Variants in KIRREL3 observed in about 807,000 individuals in gnomAD.
The protein encoded by KIRREL3 is kin of IRRE-like protein 3.
Under a neutral mutation model 89.7 loss-of-function variants are expected in KIRREL3, and 36 were observed. The observed-to-expected ratio is 0.40, with a 90% CI of 0.31 to 0.53. The LOEUF (loss-of-function observed/expected upper bound fraction) is 0.53, where lower values mean the gene tolerates loss of function less well. Ranked by LOEUF, KIRREL3 falls within the 20% of genes least tolerant of loss-of-function variation. KIRREL3 has a pLI of 0.49. For synonymous variants in KIRREL3, 445 were observed against 441.4 expected, an observed-to-expected ratio of 1.01 and a Z score of -0.10; for missense variants, 864 against 1,056.6, an observed-to-expected ratio of 0.82 and a Z score of 2.53.
chr11:126,916,738 T>C (rs573514644), intron 1 of KIRREL3, among the ~76,000 whole-genome samples: 35 of 152,336 alleles, frequency 2.3e-4, no homozygotes, highest in Admixed American at 7.2e-4. Context: ...TTTCTAAGTA[T>C]GAATTTAGGT....
intron 1 of KIRREL3, among the ~76,000 whole-genome samples, chr11:126,829,373 T>G (rs927431178): frequency 7.9e-5 from 12 of 152,206 alleles, no homozygotes; most frequent in Non-Finnish European, 4.4e-5. Flanking sequence ...ACACCATTCA[T>G]GAATCAATAA....
At chr11:126,957,312 T>A (rs1220031712) in intron 1 of KIRREL3, among the ~76,000 whole-genome samples, 1 of 152,216 alleles carries the variant, frequency 6.6e-6, no homozygotes, top group East Asian at 1.9e-4. Flanking sequence ...TAAGGAACAT[T>A]GCTAATTGAT....
intron 1 of KIRREL3, among the ~76,000 whole-genome samples, chr11:126,580,468 C>T (rs1461270410): frequency 1.3e-5 from 2 of 152,086 alleles, no homozygotes; most frequent in Non-Finnish European, 2.9e-5. Flanking sequence ...TTGCGATGGG[C>T]AAGGGGGTCC....
intron 1 of KIRREL3, among the ~76,000 whole-genome samples, chr11:126,938,186 G>T (rs1307080342): frequency 2.0e-5 from 3 of 152,178 alleles, no homozygotes; most frequent in Admixed American, 6.5e-5. Context: ...GATGCAAAAA[G>T]TTGTAAGTCT....
In KIRREL3 at chr11:126,748,782, T is replaced by C. The variant is rs1949241286; in HGVS notation, c.56-185870A>G. On this transcript the variant is annotated intron_variant, in intron 1 of 16. Coordinates refer to ENST00000525144, the MANE Select transcript of KIRREL3 (RefSeq NM_032531.4). The surrounding 1 kb of genome is among the most constrained non-coding windows in gnomAD (Gnocchi z 4.6). The stretch of plus-strand genomic sequence containing the variant: ...CCTCTCTGCCCACCGAAACTGTGCA[T>C]GGGATCCTTTTGTAATCTGTAGGCT... 6.6e-6 allele frequency among the ~76,000 whole-genome samples: 1 copy of C among 152,168 alleles called. No individual in the cohort carries two copies. The highest frequency in any genetic ancestry group is 6.5e-5 in the Admixed American group (1 of 15,282).
At chr11:126,864,567 C>CT (rs1762784025) in intron 1 of KIRREL3, among the ~76,000 whole-genome samples, 1 of 152,124 alleles carries the variant, frequency 6.6e-6, no homozygotes, top group Non-Finnish European at 1.5e-5. Context: ...CTGAACTGGT[C>CT]TTGGGTAGTC....
At chr11:126,650,904 G>A (rs949000261) in intron 1 of KIRREL3, among the ~76,000 whole-genome samples, 1 of 152,206 alleles carries the variant, frequency 6.6e-6, no homozygotes, top group African/African-American at 2.4e-5. Flanking sequence ...CACATGGCTG[G>A]GAAGATCTCA....
chr11:126,820,362 C>G (rs1189907294), intron 1 of KIRREL3, among the ~76,000 whole-genome samples: 1 of 152,060 alleles, frequency 6.6e-6, no homozygotes, highest in Non-Finnish European at 1.5e-5. Flanking sequence ...CCAACCTTTT[C>G]CTGCAGGAAA....
At chr11:126,425,159 A>G in intron 16 of KIRREL3, 136 bp from the exon 17 acceptor site, 2 of 756,940 alleles carry the variant, frequency 2.6e-6, no homozygotes, top group East Asian at 2.7e-5. Context: ...CCTGGTAGGG[A>G]GCAAACTCAG....
At chr11:126,944,192 C>T (rs1454807998) in intron 1 of KIRREL3, 4 of 152,196 alleles carry the variant, frequency 2.6e-5, no homozygotes, top group Non-Finnish European at 2.9e-5. Flanking sequence ...ACTGTCCATT[C>T]CTCATCAAGT....
rs1944728203 is a variant in KIRREL3, at chr11:126,647,326, T to C, written c.56-84414A>G. On this transcript the variant is annotated intron_variant, in intron 1 of 16. Coordinates refer to ENST00000525144, the MANE Select transcript of KIRREL3 (RefSeq NM_032531.4). This position sits in a 1 kb window ranked among gnomAD's most constrained non-coding sequence, Gnocchi z 4.9. The stretch of plus-strand genomic sequence containing the variant: ...ATGCCCGTTTTAATTAACTTGTCTA[T>C]TCACGCATCCAACAAATATTTAATG... 2.0e-5 allele frequency among the ~76,000 whole-genome samples: 3 copies of C among 152,226 alleles called. No homozygotes were observed. Among genetic ancestry groups the C allele is most frequent in the Non-Finnish European group, 4.4e-5 (3 of 68,044 alleles).
chr11:126,843,106 C>T lies in KIRREL3; in HGVS notation c.55+157349G>A, dbSNP rs533604053. On this transcript the variant is annotated intron_variant, in intron 1 of 16. Coordinates refer to ENST00000525144, the MANE Select transcript of KIRREL3 (RefSeq NM_032531.4). The surrounding 1 kb of genome is among the most constrained non-coding windows in gnomAD (Gnocchi z 4.6). The stretch of plus-strand genomic sequence containing the variant: ...TCACATTTCTATATAACAGTGTCCT[C>T]GTTCTCACCTGCCCTTTAGGACAAT... Among the ~76,000 whole-genome samples the T allele has an allele frequency of 2.0e-5, 3 of 152,270 alleles. No homozygotes were observed. Among genetic ancestry groups the T allele is most frequent in the East Asian group, 1.9e-4 (1 of 5,172 alleles).
chr11:126,649,042 G>A (rs1447343966), intron 1 of KIRREL3, among the ~76,000 whole-genome samples: 1 of 152,190 alleles, frequency 6.6e-6, no homozygotes, highest in Non-Finnish European at 1.5e-5. Context: ...CTTCTTAAAT[G>A]GAGATGGCAA....
At position 126,516,855 on chromosome 11, in the gene KIRREL3, G is replaced by C. The variant is rs1314777613; in HGVS notation, c.433+4460C>G. Among the ~76,000 whole-genome samples the C allele has an allele frequency of 6.6e-6, 1 of 152,170 alleles. No individual in the cohort carries two copies. Among genetic ancestry groups the C allele is most frequent in the Non-Finnish European group, 1.5e-5 (1 of 68,026 alleles). On this transcript the variant is annotated intron_variant, in intron 4 of 16. Coordinates refer to ENST00000525144, the MANE Select transcript of KIRREL3 (RefSeq NM_032531.4). This position sits in a 1 kb window ranked among gnomAD's most constrained non-coding sequence, Gnocchi z 4.9. ...CGCTTGTAATCCCAGCACTTTGGGA[G>C]GCCAAGATGGGTGGATCACTTGAGG...
At chr11:126,483,083 A>G (rs1176796474) in intron 4 of KIRREL3, among the ~76,000 whole-genome samples, 2 of 152,364 alleles carry the variant, frequency 1.3e-5, no homozygotes. Context: ...ATCTCCCCTG[A>G]AACTAGGTCA....
rs1369150289 is a variant in KIRREL3 at position 126,576,051 on chromosome 11, C to T, written c.56-13139G>A. Among the ~76,000 whole-genome samples, 1 of 152,208 alleles carries T rather than the reference C, an allele frequency of 6.6e-6. No homozygotes were observed. Among genetic ancestry groups the T allele is most frequent in the African/African-American group, 2.4e-5 (1 of 41,450 alleles). ...TAATCTCTAGAACCTGGCTCAGAGC[C>T]AGGCACATAGTAGGCACTCAGTGCA... is the stretch of plus-strand genomic sequence containing the variant. On this transcript the variant is annotated intron_variant, in intron 1 of 16. Transcript: ENST00000525144. This position sits in a 1 kb window ranked among gnomAD's most constrained non-coding sequence, Gnocchi z 5.4.
Position 126,686,491 on chromosome 11 carries a change from T to C in KIRREL3, c.56-123579A>G, listed in dbSNP as rs1946670331. ...GGGAGTCCCAAGCTGAATGTTCTGA[T>C]AGGGTCAGTGCTGGCCACTGAGCGG... On this transcript the variant is annotated intron_variant, in intron 1 of 16. Coordinates refer to ENST00000525144, the MANE Select transcript of KIRREL3 (RefSeq NM_032531.4). This position sits in a 1 kb window ranked among gnomAD's most constrained non-coding sequence, Gnocchi z 4.7. Among the ~76,000 whole-genome samples the C allele has an allele frequency of 6.6e-6, 1 of 152,028 alleles. No homozygotes were observed. The highest frequency in any genetic ancestry group is 6.6e-5 in the Admixed American group (1 of 15,264).
rs74452565 is a variant in KIRREL3, at chr11:126,743,514, A to G, written c.56-180602T>C. On this transcript the variant is annotated intron_variant, in intron 1 of 16. Coordinates refer to ENST00000525144, the MANE Select transcript of KIRREL3 (RefSeq NM_032531.4). ...GTACTGGGAATATAATTGTGAATGC[A>G]TATTGAATGCAAAGCACTATATAAG... Among the ~76,000 whole-genome samples, 686 of 152,380 alleles carry G rather than the reference A, an allele frequency of 4.5e-3. 14 individuals are homozygous for G. The East Asian group carries it at 0.062, about 14-fold the overall frequency.
rs1956270473 is a variant in KIRREL3 at position 126,454,251 on chromosome 11, C to T, written c.848+2098G>A. On this transcript the variant is annotated intron_variant, in intron 7 of 16. Transcript: ENST00000525144. The surrounding 1 kb of genome is among the most constrained non-coding windows in gnomAD (Gnocchi z 5.8). Reference sequence around the variant, plus strand: ...CAGCACTTCGTTTCCTGGGTGTTTGCTGTCCGGGTCAGTAGGCAGGTGTGG... The same window carrying T: ...CAGCACTTCGTTTCCTGGGTGTTTGTTGTCCGGGTCAGTAGGCAGGTGTGG... Among the ~76,000 whole-genome samples, 1 of 151,764 alleles carries T rather than the reference C, an allele frequency of 6.6e-6. No homozygotes were observed. The highest frequency in any genetic ancestry group is 1.5e-5 in the Non-Finnish European group (1 of 67,970).
Sources: gnomAD v4.1 joint callset for allele counts (sites outside exome capture counted in the v4.1 genomes callset) on GRCh38, gnomAD v4.1.1 for gene constraint, Gnocchi (gnomAD v3.1) non-coding constraint, MANE v1.5 for transcripts, NCBI Gene and HGNC (gene_info 2026-07-23, HGNC 2026-07-21) for gene names.